Variants in ZNF560 observed in about 807,000 individuals in gnomAD.
ZNF560 encodes the protein zinc finger protein 560.
A neutral mutation model predicts 81.8 loss-of-function variants in ZNF560; 54 were observed. The ratio of observed to expected loss-of-function variants is 0.66; its 90% CI spans 0.53 to 0.83. ZNF560 has a LOEUF of 0.83. Among genes scored for constraint, ZNF560 ranks in the 40% least tolerant of loss-of-function variants. The pLI, the probability that ZNF560 is intolerant of heterozygous loss-of-function variation, is 0.00. For missense variants in ZNF560, 940 were observed against 932.4 expected, an observed-to-expected ratio of 1.01 and a Z score of -0.11; for synonymous variants, 321 against 317.9, an observed-to-expected ratio of 1.01 and a Z score of -0.10.
In ZNF560 at chr19:9,466,647, G is replaced by T. The variant is rs1322214231; in HGVS notation, c.2300C>A (p.Pro767His). 4 of 1,613,520 alleles carry T rather than the reference G, an allele frequency of 2.5e-6. No homozygotes were observed. The highest frequency in any genetic ancestry group is 2.2e-5 in the East Asian group (1 of 44,862). ...QHLRTHMGEK[P>H]FECDQCGKAF... The stretch of plus-strand genomic sequence containing the variant: ...TTTCCCACACTGGTCACATTCAAAG[G>T]GTTTCTCTCCCATATGAGTTCTTAA... The change falls in exon 10 of 10, where the codon CCC becomes CAC. Residue 767 changes from proline to histidine, a missense_variant. Pro to His is a moderately conservative substitution (Grantham distance 77). Coordinates refer to ENST00000301480, the MANE Select transcript of ZNF560 (RefSeq NM_152476.3).
At chr19:9,486,463 G>A (rs1321888181) in intron 2 of ZNF560, among the ~76,000 whole-genome samples, 1 of 152,154 alleles carries the variant, frequency 6.6e-6, no homozygotes, top group East Asian at 1.9e-4. Flanking sequence ...TTTTAGGCTG[G>A]GCACGGTGGC....
At chr19:9,469,355 G>A (rs1329227957) in intron 8 of ZNF560, among the ~76,000 whole-genome samples, 168 bp from the exon 9 acceptor site, 2 of 152,072 alleles carry the variant, frequency 1.3e-5, no homozygotes, top group African/African-American at 4.8e-5. Flanking sequence ...TAAACATGAT[G>A]GTTAACAGAA....
the ZNF560 span, among the ~76,000 whole-genome samples, chr19:9,459,770 G>A: frequency 6.6e-6 from 1 of 152,080 alleles, no homozygotes; most frequent in African/African-American, 2.4e-5. Flanking sequence ...TGGAGAATAG[G>A]TTCTTCTAAC....
At chr19:9,473,471 G>T (rs560600803) in intron 4 of ZNF560, among the ~76,000 whole-genome samples, 4 of 152,170 alleles carry the variant, frequency 2.6e-5, no homozygotes, top group African/African-American at 9.6e-5. Flanking sequence ...CCAGCTACTT[G>T]GGGGGCTGAG....
chr19:9,473,406 C>T (rs1322685301), intron 4 of ZNF560, 147 bp from the exon 5 acceptor site: 10 of 565,794 alleles, frequency 1.8e-5, no homozygotes, highest in African/African-American at 3.9e-5. Flanking sequence ...GTGAAACCCC[C>T]GTCTCTACTA....
chr19:9,493,551 A>T (rs1599682051), intron 2 of ZNF560, among the ~76,000 whole-genome samples: 1 of 151,952 alleles, frequency 6.6e-6, no homozygotes, highest in Non-Finnish European at 1.5e-5. Flanking sequence ...CAGTAGAGAC[A>T]GGGGTTCACC....
chr19:9,493,280 G>C (rs991622124), intron 2 of ZNF560, among the ~76,000 whole-genome samples: 1 of 152,190 alleles, frequency 6.6e-6, no homozygotes, highest in Admixed American at 6.5e-5. Flanking sequence ...TACAAAAAAT[G>C]TTCATCGAAA....
At chr19:9,456,730 A>T in the ZNF560 span, among the ~76,000 whole-genome samples, 3 of 152,186 alleles carry the variant, frequency 2.0e-5, no homozygotes, top group African/African-American at 7.2e-5. Context: ...TTTGCATTGT[A>T]AAGGGCCCGA....
downstream of ZNF560, among the ~76,000 whole-genome samples, chr19:9,464,497 C>G (rs1364000643): frequency 6.6e-6 from 1 of 152,152 alleles, no homozygotes; most frequent in Non-Finnish European, 1.5e-5. Context: ...GTTAGTGCAC[C>G]CTTTCTCCAC....
chr19:9,460,033 G>T, the ZNF560 span, among the ~76,000 whole-genome samples: 1 of 151,910 alleles, frequency 6.6e-6, no homozygotes, highest in Non-Finnish European at 1.5e-5. Flanking sequence ...ATAACAAAAG[G>T]TTGTGAAACA....
In ZNF560 at chr19:9,471,360, T is replaced by A. The variant is rs762140300; in HGVS notation, c.257A>T (p.Gln86Leu). The A allele has an allele frequency of 2.5e-6, 4 of 1,591,702 alleles. No homozygotes were observed. In the South Asian group the frequency reaches 3.5e-5, roughly 14 times the overall value. ...CTGCTGCAGTGCTGAAACACTGGTT[T>A]GATGTTTTATTGCCCAGTCTGAAAC... is the stretch of plus-strand genomic sequence containing the variant. ...GVLQDWAIKHQTSVSALQQEF... is the reference protein window; with the variant it reads ...GVLQDWAIKHLTSVSALQQEF... The change falls in exon 6 of 10, where the codon CAA (glutamine) becomes CTA (leucine). Residue 86 changes from glutamine (Q) to leucine (L), a missense_variant. Transcript: ENST00000301480.
the ZNF560 span, among the ~76,000 whole-genome samples, chr19:9,454,185 A>C: frequency 2.0e-5 from 3 of 152,194 alleles, no homozygotes; most frequent in Admixed American, 6.5e-5. Context: ...TCCATAAATA[A>C]TACATTCAGT....
chr19:9,489,239 A>G (rs954673969), intron 2 of ZNF560, among the ~76,000 whole-genome samples: 1 of 152,238 alleles, frequency 6.6e-6, no homozygotes, highest in Non-Finnish European at 1.5e-5. Context: ...CACTTCCCAG[A>G]CAGTGGGGCG....
downstream of ZNF560, among the ~76,000 whole-genome samples, chr19:9,465,429 C>T (rs546498247): frequency 7.9e-5 from 12 of 152,306 alleles, no homozygotes; most frequent in South Asian, 1.2e-3. Context: ...TGAGCCACTG[C>T]GCCTGGCCAG....
chr19:9,451,112 G>GA, the ZNF560 span, among the ~76,000 whole-genome samples: 58 of 150,492 alleles, frequency 3.9e-4, no homozygotes, highest in African/African-American at 7.1e-4. Context: ...CAAAGAATTA[G>GA]AAAAAAAAAC....
At chr19:9,463,021 A>AAT (rs928405438), downstream of ZNF560, among the ~76,000 whole-genome samples, 2 of 152,382 alleles carry the variant, frequency 1.3e-5, no homozygotes, top group Admixed American at 1.3e-4. Flanking sequence ...ATCTGCCATT[A>AAT]GGATTAGAAA....
At chr19:9,469,971 T>A in intron 7 of ZNF560, 1 of 481,796 alleles carries the variant, frequency 2.1e-6, no homozygotes, top group East Asian at 3.2e-5. Flanking sequence ...AAATGTTAAA[T>A]ACAAATTCTA....
chr19:9,449,260 TAA>T, the ZNF560 span, among the ~76,000 whole-genome samples: 1 of 152,156 alleles, frequency 6.6e-6, no homozygotes, highest in African/African-American at 2.4e-5. Context: ...CAAGTCTCAA[TAA>T]ATTCATTCAA....
intron 2 of ZNF560, among the ~76,000 whole-genome samples, chr19:9,486,382 TA>T (rs1158267444): frequency 6.6e-6 from 1 of 152,104 alleles, no homozygotes; most frequent in African/African-American, 2.4e-5. Context: ...GGGTGGAAAG[TA>T]AAAAAGTTCC....
Sources: gnomAD v4.1 joint callset for allele counts (sites outside exome capture counted in the v4.1 genomes callset) on GRCh38, gnomAD v4.1.1 for gene constraint, MANE v1.5 for transcripts, NCBI Gene and HGNC (gene_info 2026-07-23, HGNC 2026-07-21) for gene names.